Variants in ADAMTSL1 observed in about 807,000 individuals in gnomAD.
The protein encoded by ADAMTSL1 is ADAMTS like 1.
ADAMTSL1 carries 126 observed loss-of-function variants against 201.8 expected under a neutral mutation model. That is an observed-to-expected ratio of 0.62 (90% CI 0.54 to 0.72). ADAMTSL1 has a LOEUF of 0.72. Ranked by LOEUF, ADAMTSL1 falls within the 30% of genes least tolerant of loss-of-function variation. ADAMTSL1 has a pLI of 0.00. For synonymous variants in ADAMTSL1, 1,121 were observed against 903.4 expected (o/e 1.24, Z -4.32); for missense variants, 2,679 against 2,277.8 (o/e 1.18, Z -3.59).
chr9:18,525,116 A>C (rs2132055415), intron 2 of ADAMTSL1, among the ~76,000 whole-genome samples: 1 of 152,270 alleles, frequency 6.6e-6, no homozygotes, highest in South Asian at 2.1e-4. Context: ...CCTCAATTTC[A>C]GAGCCTGTTA....
intron 3 of ADAMTSL1, among the ~76,000 whole-genome samples, chr9:18,558,938 T>A (rs1355173104): frequency 6.6e-6 from 1 of 152,188 alleles, no homozygotes; most frequent in Non-Finnish European, 1.5e-5. Flanking sequence ...TTGCAAAAAA[T>A]TTCTCCCATT....
chr9:18,846,940 C>A (rs112097315), intron 23 of ADAMTSL1, among the ~76,000 whole-genome samples: 1 of 152,048 alleles, frequency 6.6e-6, no homozygotes, highest in African/African-American at 2.4e-5. Context: ...GTGACACATC[C>A]CAGACCACTC....
In ADAMTSL1 at chr9:18,753,374, C is replaced by T; in HGVS notation, c.2083C>T (p.His695Tyr). Residue 695 changes from histidine to tyrosine, a missense_variant, in exon 16 of 29, where the codon CAC (histidine) becomes TAC (tyrosine). Transcript: ENST00000380548. ...ACAGACCAGAGACGTCTTCTGCAGC[C>T]ACCTGCTTTCCAGAGAGATGAATGA... ...GLQTRDVFCSHLLSREMNETV... is the reference protein window; with the variant it reads ...GLQTRDVFCSYLLSREMNETV... 2.5e-6 allele frequency: 4 copies of T among 1,612,512 alleles called. No homozygotes were observed. The highest frequency in any genetic ancestry group is 3.4e-6 in the Non-Finnish European group (4 of 1,179,362).
At chr9:18,240,467 T>C (rs1300489261) in intron 2 of ADAMTSL1, among the ~76,000 whole-genome samples, 1 of 152,074 alleles carries the variant, frequency 6.6e-6, no homozygotes, top group East Asian at 1.9e-4. Flanking sequence ...GCAGAGTAGT[T>C]TTAACATAAT....
chr9:18,511,197 G>A (rs904132119), intron 2 of ADAMTSL1, among the ~76,000 whole-genome samples: 12 of 151,994 alleles, frequency 7.9e-5, no homozygotes, highest in Admixed American at 2.6e-4. Context: ...AGATTTAAAG[G>A]TCTTCTGAGA....
At chr9:18,808,713 G>A (rs1823312721) in intron 20 of ADAMTSL1, among the ~76,000 whole-genome samples, 1 of 152,154 alleles carries the variant, frequency 6.6e-6, no homozygotes, top group Admixed American at 6.5e-5. Flanking sequence ...ATTATAGCAG[G>A]ACAGATTATA....
At chr9:18,850,879 G>C (rs1338757960) in intron 23 of ADAMTSL1, among the ~76,000 whole-genome samples, 1 of 152,198 alleles carries the variant, frequency 6.6e-6, no homozygotes, top group South Asian at 2.1e-4. Context: ...GCAAGAAAAA[G>C]GAAAGAGTAT....
chr9:18,541,856 T>A (rs1027727899), intron 3 of ADAMTSL1, among the ~76,000 whole-genome samples: 16 of 152,266 alleles, frequency 1.1e-4, no homozygotes, highest in African/African-American at 3.6e-4. Flanking sequence ...TGGAATGCTA[T>A]ACAGTCATTA....
At chr9:18,428,301 C>A (rs1306065657) in intron 2 of ADAMTSL1, among the ~76,000 whole-genome samples, 1 of 151,846 alleles carries the variant, frequency 6.6e-6, no homozygotes, top group African/African-American at 2.4e-5. Flanking sequence ...GAATTGGGGC[C>A]GGGTTTGCCA....
At chr9:18,843,397 G>T (rs1467732409) in intron 23 of ADAMTSL1, among the ~76,000 whole-genome samples, 3 of 150,970 alleles carry the variant, frequency 2.0e-5, no homozygotes, top group African/African-American at 7.5e-5. Flanking sequence ...TTTCTGCCGA[G>T]AGATCCGCTG....
At chr9:18,067,320 A>G (rs76122342) in intron 1 of ADAMTSL1, among the ~76,000 whole-genome samples, 2,007 of 152,268 alleles carry the variant, frequency 0.013, 61 homozygotes, top group African/African-American at 0.045. Flanking sequence ...TTAAAGAGTT[A>G]ATATGTATAA....
upstream of ADAMTSL1, among the ~76,000 whole-genome samples, chr9:18,471,236 C>G (rs902614016): frequency 2.6e-5 from 4 of 152,136 alleles, no homozygotes; most frequent in African/African-American, 9.7e-5. Flanking sequence ...TCAACAACAT[C>G]ACTGCCAACA....
intron 5 of ADAMTSL1, 131 bp from the exon 6 acceptor site, chr9:18,635,812 G>T (rs1827074693): frequency 3.0e-6 from 2 of 671,650 alleles, no homozygotes; most frequent in South Asian, 1.9e-5. Flanking sequence ...CTAAATATTG[G>T]CCTTCACATT....
chr9:18,123,408 A>G (rs985307264), intron 1 of ADAMTSL1, among the ~76,000 whole-genome samples: 1 of 152,212 alleles, frequency 6.6e-6, no homozygotes, highest in African/African-American at 2.4e-5. Flanking sequence ...TTGACATTAG[A>G]GGAAATACAC....
chr9:18,816,426 G>A (rs879683895), intron 20 of ADAMTSL1, among the ~76,000 whole-genome samples: 3 of 151,934 alleles, frequency 2.0e-5, no homozygotes, highest in Admixed American at 6.6e-5. Context: ...TAGTAGAGAC[G>A]GGATTTCACC....
At chr9:18,888,871 GGAAAACAAATGTTTTCAGACAA>G (rs1366362197) in intron 24 of ADAMTSL1, among the ~76,000 whole-genome samples, 2 of 152,186 alleles carry the variant, frequency 1.3e-5, no homozygotes, top group Non-Finnish European at 2.9e-5. Context: ...TTTTCAGACA[GGAAAACAAATGTTTTCAGACAA>G]GAAAACAAAT....
At chr9:18,171,431 C>T (rs1827884669) in intron 2 of ADAMTSL1, among the ~76,000 whole-genome samples, 1 of 152,006 alleles carries the variant, frequency 6.6e-6, no homozygotes, top group South Asian at 2.1e-4. Flanking sequence ...ATTATATTAA[C>T]ATTTTAATGG....
At chr9:18,414,032 G>C (rs1818564962) in intron 2 of ADAMTSL1, among the ~76,000 whole-genome samples, 1 of 152,192 alleles carries the variant, frequency 6.6e-6, no homozygotes, top group Non-Finnish European at 1.5e-5. Flanking sequence ...CTTGCCAGTT[G>C]ACTCAAGGCA....
chr9:18,259,402 G>A (rs931391986), intron 2 of ADAMTSL1, among the ~76,000 whole-genome samples: 1 of 151,830 alleles, frequency 6.6e-6, no homozygotes, highest in Admixed American at 6.6e-5. Flanking sequence ...GCACATGCCT[G>A]TAGTCCCAGC....
Sources: gnomAD v4.1 joint callset for allele counts (sites outside exome capture counted in the v4.1 genomes callset) on GRCh38, gnomAD v4.1.1 for gene constraint, MANE v1.5 for transcripts, NCBI Gene and HGNC (gene_info 2026-07-23, HGNC 2026-07-21) for gene names.